CENPE: variants seen among roughly 807,000 people sequenced by gnomAD.
The protein encoded by CENPE is centromere protein E.
CENPE carries 145 observed loss-of-function variants against 336.1 expected under a neutral mutation model. That is an observed-to-expected ratio of 0.43 (90% confidence interval 0.38 to 0.50). CENPE has a LOEUF of 0.50. Among genes scored for constraint, CENPE ranks in the 20% least tolerant of loss-of-function variants. CENPE has a pLI of 0.00. For synonymous variants in CENPE, 1,013 were observed against 984.8 expected (o/e 1.03, Z -0.54); for missense variants, 2,719 against 3,023.3 (o/e 0.90, Z 2.36).
chr4:103,150,578 C>G (rs752964316), intron 26 of CENPE, among the ~76,000 whole-genome samples: 3 of 151,120 alleles, frequency 2.0e-5, no homozygotes, highest in Non-Finnish European at 4.4e-5. Flanking sequence ...GAGTGAGACC[C>G]TGTCTCAAAA....
At chr4:103,114,599 T>C (rs1418364813) in intron 45 of CENPE, 47 bp from the exon 46 acceptor site, 5 of 1,205,000 alleles carry the variant, frequency 4.1e-6, no homozygotes, top group Admixed American at 3.5e-5. Context: ...AACTGATTTT[T>C]TACAGGAGAA....
chr4:103,176,838 G>T, intron 14 of CENPE, 61 bp downstream of exon 14: 3 of 1,282,630 alleles, frequency 2.3e-6, no homozygotes, highest in Non-Finnish European at 3.2e-6. Flanking sequence ...TATAAACATA[G>T]TTTCTCTTTA....
chr4:103,152,535 ATAAAGC>A (rs1391524464), intron 25 of CENPE, among the ~76,000 whole-genome samples: 1 of 152,252 alleles, frequency 6.6e-6, no homozygotes, highest in African/African-American at 2.4e-5. Flanking sequence ...CCTTAAGTAA[ATAAAGC>A]TATGTAAATA....
Position 103,106,217 on chromosome 4 carries a change from G to T in CENPE, c.*5C>A. ...TGGATCTCCAGAGAAGTGACAAAGA[G>T]GAGTCTACTGAGTTTTGCACTCAGG... On this transcript the variant is annotated 3_prime_UTR_variant, in exon 49 of 49. Transcript: ENST00000265148. The T allele has an allele frequency of 1.3e-6, 2 of 1,544,800 alleles. No individual in the cohort carries two copies. Among genetic ancestry groups the T allele is most frequent in the Non-Finnish European group, 8.8e-7 (1 of 1,139,672 alleles).
rs769471939 is a variant in CENPE, at chr4:103,145,227, C to T, written c.4680G>A (p.Lys1560=). ...LKQFKEHRKA[K]DSALQSIESK... ...TTTCTATACTTTGTAGTGCTGAATC[C>T]TTGGCTTTGCGATGCTCCTTGAATT... Residue 1560 remains lysine, a synonymous_variant, in exon 32 of 49, where the codon AAG becomes AAA. Coordinates refer to ENST00000265148, the MANE Select transcript of CENPE (RefSeq NM_001813.3). The T allele has an allele frequency of 6.2e-7, 1 of 1,613,616 alleles. No homozygotes were observed. Among genetic ancestry groups the T allele is most frequent in the Admixed American group, 1.7e-5 (1 of 59,994 alleles).
Position 103,158,259 on chromosome 4 carries a change from T to A in CENPE, c.3033+41A>T. The A allele has an allele frequency of 2.0e-6, 3 of 1,477,616 alleles. No homozygotes were observed. The South Asian group carries it at 3.9e-5, about 19-fold the overall frequency. 91.5% of individuals were successfully genotyped at this position (1,477,616 alleles called of 1,614,324 possible). On this transcript the variant is annotated intron_variant, in intron 24 of 48. Coordinates refer to ENST00000265148, the MANE Select transcript of CENPE (RefSeq NM_001813.3). ...TAAGTATTTGAGGTTAAAGAGTATA[T>A]ATACAAGCATATGAAAACTCTGAAA...
At chr4:103,151,682 T>C (rs1379335025) in intron 25 of CENPE, among the ~76,000 whole-genome samples, 1 of 152,220 alleles carries the variant, frequency 6.6e-6, no homozygotes, top group Non-Finnish European at 1.5e-5. Context: ...TTTTCTGAGC[T>C]ATCACTGAGT....
At chr4:103,113,530 A>T (rs1029087417) in intron 46 of CENPE, among the ~76,000 whole-genome samples, 56 of 140,432 alleles carry the variant, frequency 4.0e-4, no homozygotes, top group African/African-American at 1.0e-3. Context: ...TATTATATAT[A>T]ATATATAACT....
Position 103,146,063 on chromosome 4 carries a change from T to A in CENPE, c.4179A>T (p.Lys1393Asn), listed in dbSNP as rs767360104. 35 of 1,613,886 alleles carry A rather than the reference T, an allele frequency of 2.2e-5. No individual in the cohort carries two copies. Among genetic ancestry groups the A allele is most frequent in the Non-Finnish European group, 2.9e-5 (34 of 1,179,892 alleles). ...QSKQEQSLNM[K>N]EKDNETTKIV... ...TTTTGGTAGTTTCATTGTCTTTTTC[T>A]TTCATATTTAAGGACTGTTCTTGTT... is the stretch of plus-strand genomic sequence containing the variant. Residue 1393 changes from lysine to asparagine, a missense_variant, in exon 30 of 49, where the codon AAA becomes AAT. Lys to Asn is a moderately conservative substitution (Grantham distance 94). Coordinates refer to ENST00000265148, the MANE Select transcript of CENPE (RefSeq NM_001813.3).
chr4:103,172,766 TA>T (rs1447803380), intron 16 of CENPE, among the ~76,000 whole-genome samples: 8 of 151,434 alleles, frequency 5.3e-5, no homozygotes, highest in African/African-American at 1.9e-4. Flanking sequence ...AAAATCAACA[TA>T]AAAAAAAGTA....
chr4:103,171,434 T>C (rs1280915215), intron 16 of CENPE, among the ~76,000 whole-genome samples: 2 of 151,816 alleles, frequency 1.3e-5, no homozygotes, highest in Non-Finnish European at 2.9e-5. Context: ...GGTTAATGAA[T>C]TAAAAGAGTA....
Position 103,142,058 on chromosome 4 carries a change from CCTCCT to C in CENPE, c.5305-155_5305-151del, listed in dbSNP as rs371707518. ...AAGGTACAGGCTTTCTCTTCCCTGT[CCTCCT>C]CTCTTCACACTCTACTTCTGCTTTC... On this transcript the variant is annotated intron_variant, in intron 34 of 48. Coordinates refer to ENST00000265148, the MANE Select transcript of CENPE (RefSeq NM_001813.3). The C allele has an allele frequency of 6.2e-4, 353 of 570,606 alleles. 2 individuals carry two copies. The East Asian group carries it at 8.5e-3, about 14-fold the overall frequency. The allele number at this position is 570,606 out of a possible 1,614,324, so 35.3% of individuals were successfully genotyped here.
Position 103,120,906 on chromosome 4 carries a change from T to C in CENPE, c.7144-573A>G, listed in dbSNP as rs184175333. ...GTGTGCCACCACGCCTAGCTAATTT[T>C]TGTACTTTTAGTAGAGACGGGGTTT... On this transcript the variant is annotated intron_variant, in intron 43 of 48. Transcript: ENST00000265148. Among the ~76,000 whole-genome samples, 225 of 152,228 alleles carry C rather than the reference T, an allele frequency of 1.5e-3. 1 individual carries two copies. The highest frequency in any genetic ancestry group is 4.8e-3 in the African/African-American group (200 of 41,534).
intron 38 of CENPE, 41 bp from the exon 39 acceptor site, chr4:103,138,490 A>G: frequency 2.3e-6 from 3 of 1,301,136 alleles, no homozygotes; most frequent in Non-Finnish European, 3.3e-6. Context: ...TTTTGTCATG[A>G]CTATATTCAC....
chr4:103,154,640 A>C (rs751871077), intron 24 of CENPE, among the ~76,000 whole-genome samples: 12 of 152,130 alleles, frequency 7.9e-5, no homozygotes, highest in Non-Finnish European at 1.8e-4. Context: ...ATTGAGACAA[A>C]ATTTTCTGTA....
chr4:103,185,282 G>A (rs187803146), intron 9 of CENPE, among the ~76,000 whole-genome samples: 211 of 149,560 alleles, frequency 1.4e-3, no homozygotes, highest in African/African-American at 4.4e-3. Flanking sequence ...TCCAGCCTGG[G>A]AGACAGAGTG....
intron 47 of CENPE, among the ~76,000 whole-genome samples, chr4:103,110,503 C>T (rs1467366899): frequency 2.0e-5 from 3 of 152,054 alleles, no homozygotes; most frequent in African/African-American, 7.2e-5. Flanking sequence ...CAATAATGGA[C>T]GTAAGGAGTT....
chr4:103,131,535 ACTGT>A (rs1296721024), intron 42 of CENPE, among the ~76,000 whole-genome samples: 5 of 152,192 alleles, frequency 3.3e-5, no homozygotes, highest in Admixed American at 6.5e-5. Flanking sequence ...CCTTTGGAAG[ACTGT>A]CTGGCAGTTT....
chr4:103,153,251 CT>C lies in CENPE; in HGVS notation c.3034-2del. 6.3e-7 allele frequency: 1 copy of C among 1,594,116 alleles called. No individual in the cohort carries two copies. Among genetic ancestry groups the C allele is most frequent in the East Asian group, 2.2e-5 (1 of 44,646 alleles). On this transcript the variant is annotated splice_acceptor_variant, in intron 24 of 48. Coordinates refer to ENST00000265148, the MANE Select transcript of CENPE (RefSeq NM_001813.3). LOFTEE classifies it high-confidence loss of function. ...CCTGTTTTTTATCTATGCCAACCAT[CT>C]AAAACATAAACACATTACAGAAGAA... is the stretch of plus-strand genomic sequence containing the variant.
Sources: allele counts gnomAD v4.1 joint callset (sites outside exome capture counted in the v4.1 genomes callset), GRCh38; gene constraint gnomAD v4.1.1; transcripts MANE v1.5; gene names NCBI Gene and HGNC (gene_info 2026-07-23, HGNC 2026-07-21).